RFTN2: variants seen among roughly 807,000 people sequenced by gnomAD.
RFTN2 encodes the protein raftlin family member 2.
RFTN2 carries 34 observed loss-of-function variants against 52.7 expected under a neutral mutation model. The observed-to-expected ratio is 0.64, with a 90% CI of 0.49 to 0.86. The LOEUF is 0.86. RFTN2 is among the 40% of genes least tolerant of loss of function. The probability of loss-of-function intolerance (pLI) is 0.00; values close to 1 mark genes in which losing one functional copy is unlikely to be tolerated. For synonymous variants in RFTN2, 203 were observed against 217.7 expected (o/e 0.93, Z 0.59); for missense variants, 536 against 600.1 (o/e 0.89, Z 1.12).
chr2:197,600,717 C>T (rs765439661), intron 7 of RFTN2, among the ~76,000 whole-genome samples: 11 of 152,018 alleles, frequency 7.2e-5, no homozygotes, highest in Non-Finnish European at 1.6e-4. Flanking sequence ...GGACAGAGCC[C>T]ACATCTCTTA....
chr2:197,617,298 T>G (rs1279128766), intron 6 of RFTN2, among the ~76,000 whole-genome samples: 1 of 152,216 alleles, frequency 6.6e-6, no homozygotes, highest in Non-Finnish European at 1.5e-5. Context: ...TTATGCATAG[T>G]TAATTATTTC....
chr2:197,646,540 C>T lies in RFTN2; in HGVS notation c.266G>A (p.Arg89Gln), dbSNP rs757592246. Residue 89 changes from arginine to glutamine, a missense_variant, in exon 2 of 9, where the codon CGA becomes CAA. Coordinates refer to ENST00000295049, the MANE Select transcript of RFTN2 (RefSeq NM_144629.3). ...IHPVIQPVGQ[R>Q]KHLPASYLYR... Reference sequence around the variant, plus strand: ...TAGGTAACTTGCAGGTAGGTGTTTTCGCTGCCCCACAGGTTGTATAACAGG... The same window carrying T: ...TAGGTAACTTGCAGGTAGGTGTTTTTGCTGCCCCACAGGTTGTATAACAGG... 39 of 1,613,932 alleles carry T rather than the reference C, an allele frequency of 2.4e-5. No homozygotes were observed. Among genetic ancestry groups the T allele is most frequent in the East Asian group, 1.8e-4 (8 of 44,892 alleles).
chr2:197,633,632 T>A (rs2088501545), intron 4 of RFTN2, 86 bp downstream of exon 4: 1 of 1,006,598 alleles, frequency 9.9e-7, no homozygotes, highest in African/African-American at 1.6e-5. Flanking sequence ...AGCAATTTAC[T>A]TTGACTCATA....
At chr2:197,578,591 C>A (rs978168618) in intron 8 of RFTN2, among the ~76,000 whole-genome samples, 1 of 152,156 alleles carries the variant, frequency 6.6e-6, no homozygotes, top group Non-Finnish European at 1.5e-5. Flanking sequence ...GCCCTGCCCG[C>A]CAGAGAACAA....
intron 1 of RFTN2, among the ~76,000 whole-genome samples, chr2:197,664,402 G>C (rs1333035547): frequency 6.6e-6 from 1 of 151,850 alleles, no homozygotes; most frequent in African/African-American, 2.4e-5. Flanking sequence ...TTTGAGCCCA[G>C]GAAGTTGATG....
chr2:197,577,941 T>A (rs2087445498), intron 8 of RFTN2, among the ~76,000 whole-genome samples: 1 of 152,180 alleles, frequency 6.6e-6, no homozygotes, highest in Non-Finnish European at 1.5e-5. Flanking sequence ...GGTGTTGAAC[T>A]CCTGGACTTA....
chr2:197,589,976 G>A (rs575792103), intron 8 of RFTN2, among the ~76,000 whole-genome samples: 1 of 152,148 alleles, frequency 6.6e-6, no homozygotes, highest in African/African-American at 2.4e-5. Flanking sequence ...GCGCGATCAT[G>A]GCTCACAATA....
At chr2:197,620,490 T>C (rs1400165521) in intron 5 of RFTN2, among the ~76,000 whole-genome samples, 1 of 152,234 alleles carries the variant, frequency 6.6e-6, no homozygotes, top group Non-Finnish European at 1.5e-5. Context: ...CTGCAAACTT[T>C]TCAAAGGATC....
chr2:197,629,317 CCAT>C (rs1458827846), intron 5 of RFTN2, among the ~76,000 whole-genome samples: 9 of 151,996 alleles, frequency 5.9e-5, no homozygotes, highest in Non-Finnish European at 1.2e-4. Context: ...AAGCTGGAAA[CCAT>C]CATTCTGAGC....
chr2:197,615,994 A>G lies in RFTN2; in HGVS notation c.1051-15T>C, dbSNP rs1466508512. 34 of 1,448,512 alleles carry G rather than the reference A, an allele frequency of 2.3e-5. No homozygotes were observed. Among genetic ancestry groups the G allele is most frequent in the Non-Finnish European group, 2.9e-5 (31 of 1,053,390 alleles). The allele number at this position is 1,448,512 out of a possible 1,614,324, so 89.7% of individuals were successfully genotyped here. ...ATTTCACATCCCTGCATGAATAAGT[A>G]TAAGAGCTCATAGTCTAATGGCAAA... On this transcript the variant is annotated splice_polypyrimidine_tract_variant and intron_variant, in intron 6 of 8. Coordinates refer to ENST00000295049, the MANE Select transcript of RFTN2 (RefSeq NM_144629.3).
chr2:197,640,178 A>C (rs572580360), intron 3 of RFTN2, among the ~76,000 whole-genome samples: 2,549 of 152,210 alleles, frequency 0.017, 72 homozygotes, highest in African/African-American at 0.058. Context: ...TGCAGAGGTT[A>C]CTGCTGTCTT....
At position 197,638,368 on chromosome 2, in the gene RFTN2, G is replaced by C. The variant is rs1341849571; in HGVS notation, c.439-4371C>G. The stretch of plus-strand genomic sequence containing the variant: ...AAAGTCTCCCATTATTATTGTGTGG[G>C]AGTCTAAGTCTCTTTGTAGGTCACT... On this transcript the variant is annotated intron_variant, in intron 3 of 8. Coordinates refer to ENST00000295049, the MANE Select transcript of RFTN2 (RefSeq NM_144629.3). Among the ~76,000 whole-genome samples the C allele has an allele frequency of 3.0e-5, 3 of 99,876 alleles. 1 individual carries two copies. Among genetic ancestry groups the C allele is most frequent in the Admixed American group, 1.1e-4 (1 of 8,970 alleles). The allele number at this position is 99,876 out of a possible 152,430, so 65.5% of individuals were successfully genotyped here. A position where few individuals can be genotyped will look rare whatever the true frequency, so the allele number is the denominator to read the frequency against.
chr2:197,615,757 G>A (rs528169450), intron 7 of RFTN2, 119 bp downstream of exon 7: 2 of 608,108 alleles, frequency 3.3e-6, no homozygotes, highest in Non-Finnish European at 2.9e-6. Flanking sequence ...AATCAAATTC[G>A]AAGCTCAGTG....
intron 1 of RFTN2, among the ~76,000 whole-genome samples, chr2:197,658,749 G>A (rs2088930417): frequency 6.6e-6 from 1 of 152,126 alleles, no homozygotes; most frequent in African/African-American, 2.4e-5. Flanking sequence ...AAACAAATGG[G>A]GTTGTTTACA....
intron 7 of RFTN2, among the ~76,000 whole-genome samples, chr2:197,597,016 A>G (rs571719609): frequency 6.6e-6 from 1 of 152,274 alleles, no homozygotes; most frequent in Admixed American, 6.5e-5. Flanking sequence ...TTATTATGCA[A>G]AAAACCCCAA....
At chr2:197,618,992 C>T (rs1309192871) in intron 5 of RFTN2, among the ~76,000 whole-genome samples, 3 of 151,602 alleles carry the variant, frequency 2.0e-5, no homozygotes, top group Admixed American at 1.3e-4. Flanking sequence ...CCGCCCCATC[C>T]GGGAGGGAGG....
intron 8 of RFTN2, among the ~76,000 whole-genome samples, chr2:197,579,424 C>G (rs2087469660): frequency 6.6e-6 from 1 of 152,238 alleles, no homozygotes; most frequent in Admixed American, 6.5e-5. Flanking sequence ...CAACTCACAC[C>G]TGACCTAAAA....
intron 1 of RFTN2, among the ~76,000 whole-genome samples, chr2:197,658,452 GT>G (rs10596113): frequency 0.026 from 3,759 of 145,936 alleles, 131 homozygotes; most frequent in African/African-American, 0.085. Context: ...TTGTATTATT[GT>G]TTTTTTTTTT....
intron 1 of RFTN2, among the ~76,000 whole-genome samples, chr2:197,655,026 C>T (rs1559365636): frequency 6.6e-6 from 1 of 151,752 alleles, no homozygotes; most frequent in African/African-American, 2.4e-5. Context: ...AGCAAACCAA[C>T]AAAAAAACAA....
Sources: allele counts gnomAD v4.1 joint callset (sites outside exome capture counted in the v4.1 genomes callset), GRCh38; gene constraint gnomAD v4.1.1; transcripts MANE v1.5; gene names NCBI Gene and HGNC (gene_info 2026-07-23, HGNC 2026-07-21).